GRIN2B: variants seen among roughly 807,000 people sequenced by gnomAD.
The protein encoded by GRIN2B is glutamate ionotropic receptor NMDA type subunit 2B, also known as glutamate receptor ionotropic, NMDA 2B.
In GRIN2B, 5 loss-of-function variants were observed where a neutral mutation model predicts 114.5. The ratio of observed to expected loss-of-function variants is 0.04; its 90% CI spans 0.02 to 0.09. The LOEUF (loss-of-function observed/expected upper bound fraction) is 0.09, where lower values mean the gene tolerates loss of function less well. GRIN2B is among the 10% of genes least tolerant of loss of function. GRIN2B has a pLI of 1.00. For missense variants in GRIN2B, 1,108 were observed against 1,943.5 expected (o/e 0.57, Z 8.08); for synonymous variants, 787 against 745.1 (o/e 1.06, Z -0.92).
intron 3 of GRIN2B, among the ~76,000 whole-genome samples, chr12:13,859,148 G>A (rs1235002361): frequency 6.6e-6 from 1 of 152,184 alleles, no homozygotes; most frequent in East Asian, 1.9e-4. Flanking sequence ...TTGAGGCTCA[G>A]AGAGTCTGAA....
At chr12:13,627,363 C>G (rs1483910234) in intron 5 of GRIN2B, among the ~76,000 whole-genome samples, 1 of 152,114 alleles carries the variant, frequency 6.6e-6, no homozygotes, top group Non-Finnish European at 1.5e-5. Flanking sequence ...TCATAATGTA[C>G]TGTGTATTTC....
At chr12:13,890,233 C>A (rs1287523405) in intron 2 of GRIN2B, among the ~76,000 whole-genome samples, 1 of 152,160 alleles carries the variant, frequency 6.6e-6, no homozygotes, top group Non-Finnish European at 1.5e-5. Flanking sequence ...AAATCACTGC[C>A]CCCTCCAGTA....
intron 2 of GRIN2B, among the ~76,000 whole-genome samples, chr12:13,885,097 T>C (rs1469019560): frequency 6.6e-6 from 1 of 152,026 alleles, no homozygotes; most frequent in East Asian, 1.9e-4. Flanking sequence ...TTGAAACTGA[T>C]GAGGGGTAAA....
chr12:13,659,177 G>T (rs1949896490), intron 5 of GRIN2B, among the ~76,000 whole-genome samples: 2 of 152,150 alleles, frequency 1.3e-5, no homozygotes, highest in Non-Finnish European at 2.9e-5. Flanking sequence ...CTCAGAATTA[G>T]AAATCCTAAA....
chr12:13,624,955 C>T (rs1011954400), intron 5 of GRIN2B, among the ~76,000 whole-genome samples: 46 of 152,168 alleles, frequency 3.0e-4, no homozygotes, highest in African/African-American at 1.1e-3. Context: ...AGCAGACTCA[C>T]CTGCCAGGAA....
At chr12:13,680,998 G>A (rs753991119) in intron 4 of GRIN2B, among the ~76,000 whole-genome samples, 46 of 152,038 alleles carry the variant, frequency 3.0e-4, no homozygotes, top group Non-Finnish European at 6.3e-4. Context: ...TCAGGCTAAG[G>A]TTAAAGAGCC....
intron 10 of GRIN2B, among the ~76,000 whole-genome samples, chr12:13,607,318 A>AT (rs1949276850): frequency 3.1e-5 from 2 of 65,430 alleles, no homozygotes; most frequent in Non-Finnish European, 5.5e-5. Flanking sequence ...TATATAATAT[A>AT]AAATATATAA....
At chr12:13,748,238 C>T (rs1863422794) in intron 4 of GRIN2B, among the ~76,000 whole-genome samples, 1 of 152,158 alleles carries the variant, frequency 6.6e-6, no homozygotes, top group Admixed American at 6.5e-5. Context: ...TATTAAGATC[C>T]ATCTATCTCA....
At chr12:13,817,269 G>A (rs543662712) in intron 3 of GRIN2B, among the ~76,000 whole-genome samples, 7 of 152,232 alleles carry the variant, frequency 4.6e-5, no homozygotes, top group Non-Finnish European at 5.9e-5. Context: ...GTCAGACAGC[G>A]GTGCAGTGGT....
In GRIN2B at chr12:13,571,920, G is replaced by T; in HGVS notation, c.2055C>A (p.Thr685=). 2 of 1,614,044 alleles carry T rather than the reference G, an allele frequency of 1.2e-6. No individual in the cohort carries two copies. Among genetic ancestry groups the T allele is most frequent in the Non-Finnish European group, 8.5e-7 (1 of 1,179,970 alleles). Residue 685 remains threonine (T), a synonymous_variant, in exon 11 of 14, where the codon ACC becomes ACA. Coordinates refer to ENST00000609686, the MANE Select transcript of GRIN2B (RefSeq NM_000834.5). ...NDFSPPFRFG[T]VPNGSTERNI... ...TTCTCTCTGTGCTGCCGTTGGGCAC[G>T]GTCCCAAAGCGGAAAGGGGGTGAGA...
intron 4 of GRIN2B, among the ~76,000 whole-genome samples, chr12:13,740,923 G>A (rs982886554): frequency 1.3e-5 from 2 of 152,228 alleles, no homozygotes; most frequent in African/African-American, 2.4e-5. Flanking sequence ...CAGGTTCAGT[G>A]TGGGAAGTCT....
rs1948508204 is a variant in GRIN2B, at chr12:13,559,127, T to C, written c.*3656A>G. Reference sequence around the variant, plus strand: ...TTATAGCTGAATTCTTCCTCATGCATTTTACTTGCTTGTTATTCTGGAATT... The same window carrying C: ...TTATAGCTGAATTCTTCCTCATGCACTTTACTTGCTTGTTATTCTGGAATT... On this transcript the variant is annotated 3_prime_UTR_variant, in exon 14 of 14. Coordinates refer to ENST00000609686, the MANE Select transcript of GRIN2B (RefSeq NM_000834.5). The C allele has an allele frequency of 6.6e-6, 1 of 152,226 alleles. No homozygotes were observed. The highest frequency in any genetic ancestry group is 2.4e-5 in the African/African-American group (1 of 41,454). 9.4% of individuals were successfully genotyped at this position (152,226 alleles called of 1,614,324 possible). A position where few individuals can be genotyped will look rare whatever the true frequency, so the allele number is the denominator to read the frequency against.
At chr12:13,869,949 G>A (rs1334073031) in intron 2 of GRIN2B, among the ~76,000 whole-genome samples, 3 of 152,138 alleles carry the variant, frequency 2.0e-5, no homozygotes, top group Non-Finnish European at 4.4e-5. Context: ...ATATGGAAGT[G>A]CTTTGAATAA....
At chr12:13,905,900 G>A (rs992643207) in intron 2 of GRIN2B, among the ~76,000 whole-genome samples, 2 of 152,142 alleles carry the variant, frequency 1.3e-5, no homozygotes, top group African/African-American at 2.4e-5. Context: ...AATTGCCTGT[G>A]CATATAATCA....
intron 3 of GRIN2B, among the ~76,000 whole-genome samples, chr12:13,756,551 A>G (rs943228910): frequency 1.3e-5 from 2 of 152,212 alleles, no homozygotes; most frequent in Non-Finnish European, 2.9e-5. Context: ...GGATTCCGAA[A>G]TGAGAAATAT....
At position 13,551,912 on chromosome 12, in the gene GRIN2B, C is replaced by T. The variant is rs1948417766; in HGVS notation, c.*10871G>A. 6.6e-6 allele frequency: 1 copy of T among 152,100 alleles called. No homozygotes were observed. The highest frequency in any genetic ancestry group is 2.1e-4 in the South Asian group (1 of 4,822). The allele number at this position is 152,100 out of a possible 1,614,324, so 9.4% of individuals were successfully genotyped here. The stretch of plus-strand genomic sequence containing the variant: ...ATTAAAATGTGACAATGACAGTTAA[C>T]TGCAAGACTGTTCTGAATAGGGCTG... On this transcript the variant is annotated 3_prime_UTR_variant, in exon 14 of 14. Transcript: ENST00000609686.
chr12:13,948,365 G>A (rs190294514), intron 2 of GRIN2B, among the ~76,000 whole-genome samples: 2 of 152,280 alleles, frequency 1.3e-5, no homozygotes, highest in Admixed American at 6.5e-5. Flanking sequence ...AGCCCTCTGG[G>A]GGGACTAAAG....
At chr12:13,748,459 G>A (rs767088777) in intron 4 of GRIN2B, among the ~76,000 whole-genome samples, 37 of 152,148 alleles carry the variant, frequency 2.4e-4, no homozygotes, top group Admixed American at 1.8e-3. Flanking sequence ...AAATGTAGAC[G>A]GGTGCCTCCT....
chr12:13,896,344 C>G (rs552544363), intron 2 of GRIN2B, among the ~76,000 whole-genome samples: 2 of 152,280 alleles, frequency 1.3e-5, no homozygotes, highest in East Asian at 3.9e-4. Context: ...AAGATCAAGA[C>G]AGCCATTTGG....
Sources: gnomAD v4.1 joint callset for allele counts (sites outside exome capture counted in the v4.1 genomes callset) on GRCh38, gnomAD v4.1.1 for gene constraint, MANE v1.5 for transcripts, NCBI Gene and HGNC (gene_info 2026-07-23, HGNC 2026-07-21) for gene names.